The following SLC15A2 variants were observed in gnomAD, a reference collection of about 807,000 sequenced individuals.
SLC15A2 encodes the protein solute carrier family 15 member 2.
In SLC15A2, 77 loss-of-function variants were observed where a neutral mutation model predicts 95.5. That is an observed-to-expected ratio of 0.81 (90% CI 0.67 to 0.97). The LOEUF (loss-of-function observed/expected upper bound fraction) is 0.97, where lower values mean the gene tolerates loss of function less well. Among genes scored for constraint, SLC15A2 ranks in the 50% least tolerant of loss-of-function variants. SLC15A2 has a pLI of 0.00. For synonymous variants in SLC15A2, 306 were observed against 306.9 expected (o/e 1.00, Z 0.03); for missense variants, 893 against 874.4 (o/e 1.02, Z -0.27).
intron 10 of SLC15A2, 35 bp downstream of exon 10, chr3:121,923,164 A>G (rs1355916219): frequency 1.9e-6 from 3 of 1,613,148 alleles, no homozygotes; most frequent in South Asian, 2.2e-5. Flanking sequence ...ACCGCTCCTT[A>G]CAGCCACTTC....
At position 121,896,506 on chromosome 3, in the gene SLC15A2, C is replaced by G. The variant is rs774865313; in HGVS notation, c.193+13C>G. 6.2e-7 allele frequency: 1 copy of G among 1,604,950 alleles called. No individual in the cohort carries two copies. Among genetic ancestry groups the G allele is most frequent in the African/African-American group, 1.3e-5 (1 of 74,704 alleles). On this transcript the variant is annotated intron_variant, in intron 2 of 21. Coordinates refer to ENST00000489711, the MANE Select transcript of SLC15A2 (RefSeq NM_021082.4). ...TATGGAATGAAAGGTAATTTTGTGT[C>G]CAAGAGTCCTACCTACTCTCCTCCA... is the stretch of plus-strand genomic sequence containing the variant.
intron 3 of SLC15A2, among the ~76,000 whole-genome samples, chr3:121,908,416 G>A (rs995799139): frequency 6.6e-6 from 1 of 152,178 alleles, no homozygotes; most frequent in Admixed American, 6.5e-5. Flanking sequence ...CCAATGAAAT[G>A]AGCCAGGTAC....
In SLC15A2 at chr3:121,894,463, G is replaced by A. The variant is rs1709380578; in HGVS notation, c.-14G>A. ...CCAAATGCTTGAGGAGAGAGAGAGA[G>A]TAAGGAGCCAGCCATGAATCCTTTC... On this transcript the variant is annotated 5_prime_UTR_variant, in exon 1 of 22. Coordinates refer to ENST00000489711, the MANE Select transcript of SLC15A2 (RefSeq NM_021082.4). 1 of 1,607,216 alleles carries A rather than the reference G, an allele frequency of 6.2e-7. No individual in the cohort carries two copies. The highest frequency in any genetic ancestry group is 8.5e-7 in the Non-Finnish European group (1 of 1,174,994).
chr3:121,941,246 G>C lies in SLC15A2; in HGVS notation c.*239G>C, dbSNP rs1710459854. On this transcript the variant is annotated 3_prime_UTR_variant, in exon 22 of 22. Coordinates refer to ENST00000489711, the MANE Select transcript of SLC15A2 (RefSeq NM_021082.4). Reference sequence around the variant, plus strand: ...AAACTTGTGCAGTGTTGCTGGAGCTGGCCTGGTGTCTCCAAATGACCATGA... The same window carrying C: ...AAACTTGTGCAGTGTTGCTGGAGCTCGCCTGGTGTCTCCAAATGACCATGA... 2.6e-6 allele frequency: 1 copy of C among 380,294 alleles called. No homozygotes were observed. Among genetic ancestry groups the C allele is most frequent in the South Asian group, 7.1e-5 (1 of 14,086 alleles). 23.6% of individuals were successfully genotyped at this position (380,294 alleles called of 1,614,324 possible). A position where few individuals can be genotyped will look rare whatever the true frequency, so the allele number is the denominator to read the frequency against.
At position 121,930,864 on chromosome 3, in the gene SLC15A2, T is replaced by A; in HGVS notation, c.1578T>A (p.Asp526Glu). ...GGTTTGTTAACACTTTGCATAAAGA[T>A]GTCAACATCTCCCTGAGTACAGATA... ...TVRFVNTLHK[D>E]VNISLSTDTS... Residue 526 changes from aspartate (D) to glutamate (E), a missense_variant, in exon 18 of 22, where the codon GAT becomes GAA. By Grantham distance (45) the Asp-to-Glu change is conservative. Transcript: ENST00000489711. 6.2e-7 allele frequency: 1 copy of A among 1,612,430 alleles called. No homozygotes were observed. Among genetic ancestry groups the A allele is most frequent in the East Asian group, 2.2e-5 (1 of 44,870 alleles).
Position 121,939,361 on chromosome 3 carries a change from G to T in SLC15A2, c.1774G>T (p.Gly592Cys). The change falls in exon 20 of 22, where the codon GGT (glycine) becomes TGT (cysteine). Residue 592 changes from glycine (G) to cysteine (C), a missense_variant. By Grantham distance (159) the Gly-to-Cys change is radical. Coordinates refer to ENST00000489711, the MANE Select transcript of SLC15A2 (RefSeq NM_021082.4). The part of the protein sequence containing the change: ...LFVITNNTNQ[G>C]LQAWKIEDIP... ...CTCTTTCCCTAAGAACACCAATCAG[G>T]GTCTTCAGGCCTGGAAGATTGAAGA... 2 of 1,532,930 alleles carry T rather than the reference G, an allele frequency of 1.3e-6. No individual in the cohort carries two copies. Among genetic ancestry groups the T allele is most frequent in the East Asian group, 2.5e-5 (1 of 40,474 alleles). 95.0% of individuals were successfully genotyped at this position (1,532,930 alleles called of 1,614,324 possible). A position where few individuals can be genotyped will look rare whatever the true frequency, so the allele number is the denominator to read the frequency against.
rs1236197938 is a variant in SLC15A2 at position 121,929,920 on chromosome 3, C to T, written c.1553+572C>T. On this transcript the variant is annotated intron_variant, in intron 17 of 21. Transcript: ENST00000489711. ...ATATGAAATGGACAGATACACAGGT[C>T]TATGGCCACCAAGGTCAAGTGGTTG... Among the ~76,000 whole-genome samples, 9 of 152,182 alleles carry T rather than the reference C, an allele frequency of 5.9e-5. No individual in the cohort carries two copies. In the East Asian group the frequency reaches 1.7e-3, roughly 29 times the overall value.
At chr3:121,901,767 A>T (rs1000890804) in intron 3 of SLC15A2, among the ~76,000 whole-genome samples, 1 of 152,050 alleles carries the variant, frequency 6.6e-6, no homozygotes, top group Non-Finnish European at 1.5e-5. Flanking sequence ...CATTTGCTAG[A>T]GGAAAATGGA....
At chr3:121,937,147 T>C (rs1710363780) in intron 19 of SLC15A2, among the ~76,000 whole-genome samples, 1 of 78,000 alleles carries the variant, frequency 1.3e-5, no homozygotes, top group Non-Finnish European at 2.4e-5. Context: ...GTTAGTCTGA[T>C]GGGCTTCCCT....
chr3:121,897,679 A>G, intron 3 of SLC15A2, 150 bp downstream of exon 3: 1 of 736,710 alleles, frequency 1.4e-6, no homozygotes, highest in Non-Finnish European at 2.1e-6. Context: ...GGGAAATTTA[A>G]AAAAAAAGAA....
At chr3:121,940,098 G>A (rs886379830) in intron 20 of SLC15A2, among the ~76,000 whole-genome samples, 1 of 152,082 alleles carries the variant, frequency 6.6e-6, no homozygotes, top group Non-Finnish European at 1.5e-5. Flanking sequence ...GAGCTACTGC[G>A]CCCAGTCTGT....
chr3:121,940,283 A>T, intron 20 of SLC15A2, 101 bp from the exon 21 acceptor site: 2 of 752,848 alleles, frequency 2.7e-6, no homozygotes, highest in Non-Finnish European at 2.3e-6. Context: ...TAATAAGAGA[A>T]GTTCTAACTT....
chr3:121,940,962 C>A lies in SLC15A2; in HGVS notation c.2145C>A (p.Ile715=). The change falls in exon 22 of 22, where the codon ATC becomes ATA. Residue 715 remains isoleucine (I), a synonymous_variant. Coordinates refer to ENST00000489711, the MANE Select transcript of SLC15A2 (RefSeq NM_021082.4). ...CAGCAGATAAGCACATTCCTCACAT[C>A]CAGGGGAACATGATCAAACTAGAGA... ...RGPADKHIPH[I]QGNMIKLETK... 1 of 1,614,098 alleles carries A rather than the reference C, an allele frequency of 6.2e-7. No individual in the cohort carries two copies. Among genetic ancestry groups the A allele is most frequent in the Non-Finnish European group, 8.5e-7 (1 of 1,179,980 alleles).
intron 4 of SLC15A2, among the ~76,000 whole-genome samples, chr3:121,912,296 T>C (rs1709782406): frequency 6.6e-6 from 1 of 152,168 alleles, no homozygotes; most frequent in Non-Finnish European, 1.5e-5. Context: ...TGCAGTGGTG[T>C]GATTTTGGCT....
chr3:121,940,591 G>C, intron 21 of SLC15A2, 103 bp downstream of exon 21: 1 of 1,015,882 alleles, frequency 9.8e-7, no homozygotes, highest in Non-Finnish European at 1.5e-6. Flanking sequence ...TCCCCATTCA[G>C]TGCTGTGACA....
In SLC15A2 at chr3:121,930,871, A is replaced by G. The variant is rs368118254; in HGVS notation, c.1585A>G (p.Ile529Val). Residue 529 changes from isoleucine (I) to valine (V), a missense_variant, in exon 18 of 22, where the codon ATC becomes GTC. Transcript: ENST00000489711. The stretch of plus-strand genomic sequence containing the variant: ...TAACACTTTGCATAAAGATGTCAAC[A>G]TCTCCCTGAGTACAGATACCTCTCT... ...FVNTLHKDVN[I>V]SLSTDTSLNV... 6.2e-7 allele frequency: 1 copy of G among 1,613,392 alleles called. No individual in the cohort carries two copies. Among genetic ancestry groups the G allele is most frequent in the Non-Finnish European group, 8.5e-7 (1 of 1,179,314 alleles).
At chr3:121,922,624 C>A in intron 8 of SLC15A2, 151 bp from the exon 9 acceptor site, 2 of 554,918 alleles carry the variant, frequency 3.6e-6, no homozygotes, top group Non-Finnish European at 6.2e-6. Flanking sequence ...AAAATTATAT[C>A]AGAAATATTC....
At chr3:121,909,306 G>A (rs527599914) in intron 3 of SLC15A2, among the ~76,000 whole-genome samples, 14 of 152,160 alleles carry the variant, frequency 9.2e-5, no homozygotes, top group Middle Eastern at 3.4e-3. Context: ...CAAGTGATCC[G>A]TCCACCTCAG....
chr3:121,911,702 C>G lies in SLC15A2; in HGVS notation c.428+36C>G, dbSNP rs752316795. 1.6e-5 allele frequency: 20 copies of G among 1,287,112 alleles called. No individual in the cohort carries two copies. In the East Asian group the frequency reaches 4.6e-4, roughly 30 times the overall value. 79.7% of individuals were successfully genotyped at this position (1,287,112 alleles called of 1,614,324 possible). A position where few individuals can be genotyped will look rare whatever the true frequency, so the allele number is the denominator to read the frequency against. On this transcript the variant is annotated intron_variant, in intron 4 of 21. Transcript: ENST00000489711. ...TCATGGAATCAACTAAACTACTTTT[C>G]TCAGACATTTGTTACAAATTATTTT...
Sources: allele counts gnomAD v4.1 joint callset (sites outside exome capture counted in the v4.1 genomes callset), GRCh38; gene constraint gnomAD v4.1.1; transcripts MANE v1.5; gene names NCBI Gene and HGNC (gene_info 2026-07-23, HGNC 2026-07-21).